The following MTCL1 variants were observed in gnomAD, a reference collection of about 807,000 sequenced individuals.
MTCL1 encodes the protein microtubule crosslinking factor 1.
Under a neutral mutation model 141.4 loss-of-function variants are expected in MTCL1, and 79 were observed. The observed-to-expected ratio is 0.56, with a 90% CI of 0.47 to 0.67. The LOEUF (loss-of-function observed/expected upper bound fraction) is 0.67, where lower values mean the gene tolerates loss of function less well. MTCL1 is among the 30% of genes least tolerant of loss of function. The probability of loss-of-function intolerance (pLI) is 0.00; values close to 1 mark genes in which losing one functional copy is unlikely to be tolerated. For synonymous variants in MTCL1, 914 were observed against 875.8 expected (o/e 1.04, Z -0.77); for missense variants, 2,177 against 2,113.9 (o/e 1.03, Z -0.59).
At chr18:8,761,459 C>T (rs899972363) in intron 4 of MTCL1, among the ~76,000 whole-genome samples, 32 of 152,218 alleles carry the variant, frequency 2.1e-4, no homozygotes, top group African/African-American at 7.5e-4. Flanking sequence ...ATCATCATCT[C>T]AGACAGAAGC....
intron 7 of MTCL1, among the ~76,000 whole-genome samples, chr18:8,792,046 A>G (rs8084760): frequency 0.18 from 26,845 of 152,132 alleles, 2,625 homozygotes; most frequent in East Asian, 0.34. Flanking sequence ...CCGATTAGGA[A>G]GAACAAACAG....
chr18:8,804,879 T>C (rs1037413111), intron 10 of MTCL1, among the ~76,000 whole-genome samples: 21 of 151,696 alleles, frequency 1.4e-4, no homozygotes, highest in African/African-American at 4.9e-4. Flanking sequence ...TAGTCCCAGC[T>C]ACTTGGGAGT....
chr18:8,786,114 C>CCCA (rs2096553651), intron 7 of MTCL1, 23 bp downstream of exon 6: 6 of 1,387,386 alleles, frequency 4.3e-6, no homozygotes, highest in Admixed American at 2.6e-5. Flanking sequence ...AAGCAATCCC[C>CCCA]CCCCCCCGCC....
chr18:8,718,401 T>C, intron 2 of MTCL1, 23 bp from the exon 2 acceptor site: 3 of 1,609,658 alleles, frequency 1.9e-6, no homozygotes, highest in African/African-American at 1.3e-5. Flanking sequence ...GGCTCATAAA[T>C]CTTCTCTGTC....
At chr18:8,808,147 A>AGAG (rs2076364526) in intron 11 of MTCL1, among the ~76,000 whole-genome samples, 2 of 152,176 alleles carry the variant, frequency 1.3e-5, no homozygotes, top group Non-Finnish European at 2.9e-5. Context: ...GCATCAAGTG[A>AGAG]GAGAGCAGCT....
chr18:8,783,226 T>C (rs1337968232), intron 5 of MTCL1, among the ~76,000 whole-genome samples: 1 of 151,764 alleles, frequency 6.6e-6, no homozygotes, highest in East Asian at 1.9e-4. Flanking sequence ...TTCCCTTCTT[T>C]GCCCATAACT....
chr18:8,765,899 T>C (rs2096457501), intron 4 of MTCL1, among the ~76,000 whole-genome samples: 1 of 152,160 alleles, frequency 6.6e-6, no homozygotes, highest in South Asian at 2.1e-4. Context: ...CTGGGCCTCT[T>C]TCCTTCTGTC....
At chr18:8,765,523 C>T (rs1353792829) in intron 4 of MTCL1, among the ~76,000 whole-genome samples, 4 of 152,310 alleles carry the variant, frequency 2.6e-5, no homozygotes, top group Non-Finnish European at 4.4e-5. Context: ...ACTTAACCTT[C>T]GCACACCTCC....
chr18:8,829,986 C>T (rs774620927), intron 16 of MTCL1: 14 of 985,326 alleles, frequency 1.4e-5, no homozygotes, highest in South Asian at 4.7e-5. Context: ...CCAGGCGGAA[C>T]GGGATACGGT....
At chr18:8,729,458 C>A (rs2096238753) in intron 4 of MTCL1, among the ~76,000 whole-genome samples, 1 of 151,744 alleles carries the variant, frequency 6.6e-6, no homozygotes, top group South Asian at 2.1e-4. Flanking sequence ...GATTGGAGTA[C>A]AGTGGTATAC....
upstream of MTCL1, among the ~76,000 whole-genome samples, chr18:8,714,581 G>T (rs2096115017): frequency 6.6e-6 from 1 of 152,174 alleles, no homozygotes; most frequent in Non-Finnish European, 1.5e-5. Flanking sequence ...AGGCACGTAA[G>T]AACGTGTGCA....
chr18:8,784,424 G>C (rs752830379), exon 6 of MTCL1: 10 of 1,528,200 alleles, frequency 6.5e-6, no homozygotes, highest in Non-Finnish European at 7.9e-6. Flanking sequence ...GGAGGCCAGC[G>C]AGCCATGCCC....
chr18:8,742,750 A>T lies in MTCL1; in HGVS notation c.357+22254A>T, dbSNP rs151084351. ...GATACCTACACACGTGTTATTTAGT[A>T]CTTCTGAATTTCTTATTTTTGTATG... On this transcript the variant is annotated intron_variant, in intron 4 of 16. Coordinates refer to ENST00000359865, the Ensembl canonical transcript of MTCL1. 9.5e-3 allele frequency among the ~76,000 whole-genome samples: 1,440 copies of T among 152,302 alleles called. 23 individuals carry two copies. The highest frequency in any genetic ancestry group is 0.029 in the African/African-American group (1,207 of 41,546).
Position 8,830,969 on chromosome 18 carries a change from T to C in MTCL1, c.*19-638T>C, listed in dbSNP as rs2077175006. The C allele has an allele frequency of 2.0e-6, 2 of 985,736 alleles. No individual in the cohort carries two copies. The highest frequency in any genetic ancestry group is 6.1e-5 in the Admixed American group (1 of 16,310). The allele number at this position is 985,736 out of a possible 1,614,324, so 61.1% of individuals were successfully genotyped here. On this transcript the variant is annotated intron_variant, in intron 16 of 16. Transcript: ENST00000359865. The surrounding 1 kb of genome is among the most constrained non-coding windows in gnomAD (Gnocchi z 6.4). ...ACCAGTACATTCTGATTCTACCTTT[T>C]TAAAATGCTGCTGCAATTGAACAGT...
chr18:8,827,774 C>CA (rs1568118531), intron 15 of MTCL1, among the ~76,000 whole-genome samples: 2 of 152,018 alleles, frequency 1.3e-5, no homozygotes, highest in Non-Finnish European at 2.9e-5. Context: ...CTTTAAGAAC[C>CA]AAAAAAATGC....
rs1282684255 is a variant in MTCL1 at position 8,718,737 on chromosome 18, G to C, written c.198+89G>C. 6.0e-6 allele frequency: 7 copies of C among 1,176,126 alleles called. No homozygotes were observed. The East Asian group carries it at 9.4e-5, about 16-fold the overall frequency. 72.9% of individuals were successfully genotyped at this position (1,176,126 alleles called of 1,614,324 possible). ...TTGCCCTGGTGTTTTTTCCCTGCTT[G>C]TGTCTGTCTCTACAGATTGCAGCAT... On this transcript the variant is annotated intron_variant, in intron 3 of 16. Transcript: ENST00000359865.
At chr18:8,789,379 C>G in intron 7 of MTCL1, 1 of 981,338 alleles carries the variant, frequency 1.0e-6, no homozygotes, top group Non-Finnish European at 1.2e-6. Flanking sequence ...TGGAATTGTC[C>G]TAATAGAGGA....
chr18:8,794,907 G>C (rs560542437), intron 8 of MTCL1, among the ~76,000 whole-genome samples: 1 of 152,090 alleles, frequency 6.6e-6, no homozygotes, highest in Non-Finnish European at 1.5e-5. Context: ...TCCCATGACC[G>C]TTACATCTTC....
intron 11 of MTCL1, chr18:8,809,531 G>A (rs755532741): frequency 6.5e-7 from 1 of 1,536,216 alleles, no homozygotes; most frequent in Non-Finnish European, 8.7e-7. Flanking sequence ...CGGTAAAAAC[G>A]TTGAAGAGCC....
Sources: allele counts gnomAD v4.1 joint callset (sites outside exome capture counted in the v4.1 genomes callset), GRCh38; gene constraint gnomAD v4.1.1; non-coding constraint Gnocchi (gnomAD v3.1); transcripts MANE v1.5; gene names NCBI Gene and HGNC (gene_info 2026-07-23, HGNC 2026-07-21).